Variants in BABAM2 observed in about 807,000 individuals in gnomAD.
The protein encoded by BABAM2 is BRISC and BRCA1 A complex member 2, also known as BRISC and BRCA1-A complex member 2.
In BABAM2, 31 loss-of-function variants were observed where a neutral mutation model predicts 54.7. The ratio of observed to expected loss-of-function variants is 0.57; its 90% CI spans 0.43 to 0.77. BABAM2 has a LOEUF of 0.77. BABAM2 is among the 30% of genes least tolerant of loss of function. BABAM2 has a pLI of 0.00. For missense variants in BABAM2, 364 were observed against 455.8 expected (o/e 0.80, Z 1.83); for synonymous variants, 167 against 162.9 (o/e 1.03, Z -0.19).
chr2:28,086,786 G>A lies in BABAM2; in HGVS notation c.570+40987G>A, dbSNP rs376834298. Among the ~76,000 whole-genome samples the A allele has an allele frequency of 1.8e-4, 27 of 152,200 alleles. No homozygotes were observed. In the South Asian group the frequency reaches 5.4e-3, roughly 30 times the overall value. ...AAGCACGACAGTGCTCTTAAAAATCGCCAGCACATCTTCTGTTTCTAATTT... is the reference window on the plus strand; with the variant it reads ...AAGCACGACAGTGCTCTTAAAAATCACCAGCACATCTTCTGTTTCTAATTT... On this transcript the variant is annotated intron_variant, in intron 6 of 11. Coordinates refer to ENST00000379624, the MANE Select transcript of BABAM2 (RefSeq NM_199191.3).
chr2:28,154,568 G>A (rs972295250), intron 7 of BABAM2, among the ~76,000 whole-genome samples: 3 of 152,142 alleles, frequency 2.0e-5, no homozygotes, highest in African/African-American at 7.2e-5. Context: ...TTACATTTCT[G>A]TGTATGAAAT....
chr2:28,025,712 G>C (rs190331744), intron 5 of BABAM2, among the ~76,000 whole-genome samples: 15 of 152,278 alleles, frequency 9.9e-5, no homozygotes, highest in Admixed American at 4.6e-4. Context: ...CCTCCATGTT[G>C]TTATGATGTA....
chr2:28,071,017 C>T (rs901849301), intron 6 of BABAM2, among the ~76,000 whole-genome samples: 1 of 152,048 alleles, frequency 6.6e-6, no homozygotes, highest in Admixed American at 6.5e-5. Context: ...CCTCAGTTTT[C>T]TTAATTATTA....
intron 3 of BABAM2, among the ~76,000 whole-genome samples, chr2:27,969,688 C>T (rs10188108): frequency 5.3e-5 from 8 of 151,984 alleles, no homozygotes; most frequent in African/African-American, 7.2e-5. Context: ...GGGCTCGGGA[C>T]GGGGGAGGAG....
intron 2 of BABAM2, among the ~76,000 whole-genome samples, chr2:27,923,537 G>C (rs765809007): frequency 5.9e-5 from 9 of 152,176 alleles, no homozygotes; most frequent in Non-Finnish European, 1.0e-4. Context: ...AGGATTCCTT[G>C]AGCCCAGATG....
chr2:28,054,569 G>A (rs767191805), intron 6 of BABAM2, among the ~76,000 whole-genome samples: 4 of 152,158 alleles, frequency 2.6e-5, no homozygotes, highest in Non-Finnish European at 5.9e-5. Flanking sequence ...CCTGGTGAAT[G>A]GGATTAATAC....
chr2:28,071,394 C>T (rs2148658527), intron 6 of BABAM2, among the ~76,000 whole-genome samples: 1 of 152,246 alleles, frequency 6.6e-6, no homozygotes, highest in African/African-American at 2.4e-5. Flanking sequence ...CAGCATGTTC[C>T]TGTGTATTTA....
At chr2:28,019,836 C>T (rs1381406938) in intron 4 of BABAM2, among the ~76,000 whole-genome samples, 1 of 152,190 alleles carries the variant, frequency 6.6e-6, no homozygotes, top group Non-Finnish European at 1.5e-5. Context: ...GTTCTCTATT[C>T]TGTTCCATTA....
At chr2:28,157,589 G>A (rs565865364) in intron 7 of BABAM2, among the ~76,000 whole-genome samples, 1 of 152,106 alleles carries the variant, frequency 6.6e-6, no homozygotes, top group East Asian at 1.9e-4. Flanking sequence ...GGACCCAAAT[G>A]TATTAACCCT....
intron 3 of BABAM2, among the ~76,000 whole-genome samples, chr2:27,944,987 A>G (rs1281223093): frequency 6.7e-6 from 1 of 148,338 alleles, no homozygotes; most frequent in Non-Finnish European, 1.5e-5. Context: ...TTGTTGATCC[A>G]TTTTGAGCTA....
At chr2:28,105,277 A>G (rs1410131411) in intron 6 of BABAM2, among the ~76,000 whole-genome samples, 1 of 152,222 alleles carries the variant, frequency 6.6e-6, no homozygotes, top group Non-Finnish European at 1.5e-5. Flanking sequence ...AAAAAGGTAG[A>G]TTAAATAATG....
At chr2:28,078,901 C>T (rs1277206850) in intron 6 of BABAM2, among the ~76,000 whole-genome samples, 1 of 152,150 alleles carries the variant, frequency 6.6e-6, no homozygotes, top group Non-Finnish European at 1.5e-5. Context: ...TTCCTCCCTT[C>T]CTCTGTCCTT....
chr2:28,064,024 A>T (rs764017712), intron 6 of BABAM2, among the ~76,000 whole-genome samples: 2 of 152,220 alleles, frequency 1.3e-5, no homozygotes, highest in Non-Finnish European at 2.9e-5. Context: ...AGAGACTACC[A>T]TGGAGGCTTC....
intron 2 of BABAM2, among the ~76,000 whole-genome samples, chr2:27,927,499 CATG>C (rs1224027374): frequency 5.9e-5 from 9 of 152,282 alleles, no homozygotes; most frequent in Admixed American, 5.2e-4. Context: ...CTCATAATGA[CATG>C]ATGCTCATTA....
chr2:28,069,252 T>C (rs890206717), intron 6 of BABAM2, among the ~76,000 whole-genome samples: 9 of 152,206 alleles, frequency 5.9e-5, no homozygotes, highest in African/African-American at 2.2e-4. Flanking sequence ...TACTTGGTAT[T>C]AGGAAATTAT....
intron 6 of BABAM2, among the ~76,000 whole-genome samples, chr2:28,111,478 C>T (rs1385771572): frequency 1.3e-5 from 2 of 152,026 alleles, no homozygotes; most frequent in Non-Finnish European, 2.9e-5. Flanking sequence ...TCTTTTTATG[C>T]AAATAGTTTT....
chr2:27,939,615 T>G (rs1469839255), intron 3 of BABAM2, among the ~76,000 whole-genome samples: 1 of 152,224 alleles, frequency 6.6e-6, no homozygotes, highest in Non-Finnish European at 1.5e-5. Flanking sequence ...TCTTAACAAT[T>G]CAGAAAACAG....
At chr2:27,918,836 A>G (rs1437043204) in intron 2 of BABAM2, among the ~76,000 whole-genome samples, 1 of 152,052 alleles carries the variant, frequency 6.6e-6, no homozygotes, top group Non-Finnish European at 1.5e-5. Flanking sequence ...CTACAGGCAC[A>G]TGCCACCATG....
rs538289236 is a variant in BABAM2, at chr2:28,126,987, G to A, written c.571-2284G>A. Among the ~76,000 whole-genome samples, 4 of 151,380 alleles carry A rather than the reference G, an allele frequency of 2.6e-5. No individual in the cohort carries two copies. In the South Asian group the frequency reaches 6.3e-4, roughly 24 times the overall value. ...TGTCCTTCGCCCACTTTTTGATGGGGTTGTTTTTTTCTTGTAAATTTGTTT... is the reference window on the plus strand; with the variant it reads ...TGTCCTTCGCCCACTTTTTGATGGGATTGTTTTTTTCTTGTAAATTTGTTT... On this transcript the variant is annotated intron_variant, in intron 6 of 11. Coordinates refer to ENST00000379624, the MANE Select transcript of BABAM2 (RefSeq NM_199191.3).
Sources: gnomAD v4.1 joint callset for allele counts (sites outside exome capture counted in the v4.1 genomes callset) on GRCh38, gnomAD v4.1.1 for gene constraint, MANE v1.5 for transcripts, NCBI Gene and HGNC (gene_info 2026-07-23, HGNC 2026-07-21) for gene names.